The following RAB3C variants were observed in gnomAD, a reference collection of about 807,000 sequenced individuals.
RAB3C encodes the protein ras-related protein Rab-3C.
Under a neutral mutation model 26.4 loss-of-function variants are expected in RAB3C, and 17 were observed. That is an observed-to-expected ratio of 0.64 (90% CI 0.44 to 0.97). RAB3C has a LOEUF of 0.97. RAB3C is among the 50% of genes least tolerant of loss of function. The pLI, the probability that RAB3C is intolerant of heterozygous loss-of-function variation, is 0.00. For missense variants in RAB3C, 242 were observed against 281.9 expected (o/e 0.86, Z 1.01); for synonymous variants, 91 against 95.9 (o/e 0.95, Z 0.30).
At chr5:58,826,599 C>T (rs1231496370) in intron 4 of RAB3C, among the ~76,000 whole-genome samples, 2 of 151,998 alleles carry the variant, frequency 1.3e-5, no homozygotes, top group African/African-American at 4.8e-5. Context: ...AATTTAGCAA[C>T]CCAATACATA....
In RAB3C at chr5:58,689,738, G is replaced by A. The variant is rs147913280; in HGVS notation, c.253-36264G>A. On this transcript the variant is annotated intron_variant, in intron 2 of 4. Transcript: ENST00000282878. ...TCCCTTGACACAAGTTAAGTGGGGT[G>A]GAAATGTCCTCTGTTCAGGCCGTTA... Among the ~76,000 whole-genome samples, 183 of 152,176 alleles carry A rather than the reference G, an allele frequency of 1.2e-3. 2 individuals carry two copies. The highest frequency in any genetic ancestry group is 4.1e-3 in the African/African-American group (170 of 41,528).
At chr5:58,621,063 T>C (rs1052403422) in intron 2 of RAB3C, among the ~76,000 whole-genome samples, 3 of 152,226 alleles carry the variant, frequency 2.0e-5, no homozygotes, top group Non-Finnish European at 2.9e-5. Context: ...TGTCATCTCA[T>C]TGTGCTTTAA....
At chr5:58,804,667 ATGTGTG>A (rs142259686) in intron 3 of RAB3C, among the ~76,000 whole-genome samples, 7,994 of 149,384 alleles carry the variant, frequency 0.054, 277 homozygotes, top group East Asian at 0.12. Context: ...TGGGGTGCAT[ATGTGTG>A]TGTGTGTGTG....
At chr5:58,665,890 A>G (rs763953357) in intron 2 of RAB3C, among the ~76,000 whole-genome samples, 2 of 152,188 alleles carry the variant, frequency 1.3e-5, no homozygotes, top group African/African-American at 2.4e-5. Context: ...TTGAAACTCA[A>G]TGAAGTCATG....
At chr5:58,748,608 G>A (rs1271053168) in intron 3 of RAB3C, among the ~76,000 whole-genome samples, 2 of 152,048 alleles carry the variant, frequency 1.3e-5, no homozygotes, top group African/African-American at 4.8e-5. Flanking sequence ...GTGTGTGTGT[G>A]TGCATGCATG....
At chr5:58,647,873 C>G (rs1329316080) in intron 2 of RAB3C, among the ~76,000 whole-genome samples, 3 of 152,158 alleles carry the variant, frequency 2.0e-5, no homozygotes, top group Non-Finnish European at 4.4e-5. Context: ...TATGATGTAG[C>G]ACTTTGACAC....
chr5:58,629,896 G>A (rs754257927), intron 2 of RAB3C, among the ~76,000 whole-genome samples: 1 of 152,230 alleles, frequency 6.6e-6, no homozygotes, highest in South Asian at 2.1e-4. Flanking sequence ...AATTAGAGCA[G>A]TGTGGCTTCC....
chr5:58,688,873 G>T (rs1490171944), intron 2 of RAB3C, among the ~76,000 whole-genome samples: 2 of 152,068 alleles, frequency 1.3e-5, no homozygotes, highest in African/African-American at 4.8e-5. Flanking sequence ...ACATGTATTT[G>T]ATTTGTTTTT....
chr5:58,651,496 AT>A (rs1747648720), intron 2 of RAB3C, among the ~76,000 whole-genome samples: 3 of 152,126 alleles, frequency 2.0e-5, no homozygotes, highest in Admixed American at 2.0e-4. Context: ...ATTAAAATCT[AT>A]TTTTATGTAT....
intron 2 of RAB3C, among the ~76,000 whole-genome samples, chr5:58,666,804 T>A (rs1748011396): frequency 6.6e-6 from 1 of 152,030 alleles, no homozygotes; most frequent in South Asian, 2.1e-4. Context: ...TATATGGGAG[T>A]TGACTCAGAG....
At chr5:58,824,175 G>A (rs1026140106) in intron 3 of RAB3C, among the ~76,000 whole-genome samples, 40 of 151,730 alleles carry the variant, frequency 2.6e-4, no homozygotes, top group Admixed American at 7.2e-4. Context: ...GAATAGTGTC[G>A]CAATAAACAT....
At chr5:58,802,995 C>A (rs1191543988) in intron 3 of RAB3C, among the ~76,000 whole-genome samples, 2 of 152,154 alleles carry the variant, frequency 1.3e-5, no homozygotes, top group Admixed American at 6.5e-5. Flanking sequence ...CAGTCCAGGG[C>A]AAACACTTGC....
chr5:58,851,499 G>T lies in RAB3C; in HGVS notation c.*148G>T. The T allele has an allele frequency of 1.8e-6, 1 of 554,570 alleles. No homozygotes were observed. The highest frequency in any genetic ancestry group is 2.9e-6 in the Non-Finnish European group (1 of 343,174). The allele number at this position is 554,570 out of a possible 1,614,324, so 34.4% of individuals were successfully genotyped here. Reference sequence around the variant, plus strand: ...TGGCTCGTACGCATTCAATTCTTGGGAGCTTTCCTGTTTAATATGTGGCAA... The same window carrying T: ...TGGCTCGTACGCATTCAATTCTTGGTAGCTTTCCTGTTTAATATGTGGCAA... On this transcript the variant is annotated 3_prime_UTR_variant, in exon 5 of 5. Coordinates refer to ENST00000282878, the MANE Select transcript of RAB3C (RefSeq NM_138453.4).
At chr5:58,725,583 C>G (rs925259691) in intron 2 of RAB3C, among the ~76,000 whole-genome samples, 6 of 151,814 alleles carry the variant, frequency 4.0e-5, no homozygotes, top group Non-Finnish European at 8.8e-5. Context: ...ATTTGAAGTA[C>G]AAATATAGAG....
rs1170972774 is a variant in RAB3C at position 58,851,891 on chromosome 5, T to C, written c.*540T>C. ...GCTGTCACGAGTCTGGTCAGTTTAC[T>C]GTTGGGAACTGTGTCTTTATTTCAC... On this transcript the variant is annotated 3_prime_UTR_variant, in exon 5 of 5. Coordinates refer to ENST00000282878, the MANE Select transcript of RAB3C (RefSeq NM_138453.4). 2 of 152,242 alleles carry C rather than the reference T, an allele frequency of 1.3e-5. No individual in the cohort carries two copies. Among genetic ancestry groups the C allele is most frequent in the Non-Finnish European group, 2.9e-5 (2 of 68,058 alleles). The allele number at this position is 152,242 out of a possible 1,614,324, so 9.4% of individuals were successfully genotyped here.
rs1561267668 is a variant in RAB3C at position 58,616,011 on chromosome 5, C to CA, written c.25-1632_25-1631insA. Among the ~76,000 whole-genome samples the CA allele has an allele frequency of 1.1e-4, 16 of 150,024 alleles. 1 individual carries two copies. The South Asian group carries it at 3.2e-3, about 30-fold the overall frequency. ...ACACACACACACACACACACACACA[C>CA]CCCTGACTTCAGGTAACCAGTGTTG... On this transcript the variant is annotated intron_variant, in intron 1 of 4. Coordinates refer to ENST00000282878, the MANE Select transcript of RAB3C (RefSeq NM_138453.4).
intron 3 of RAB3C, among the ~76,000 whole-genome samples, chr5:58,816,710 G>A (rs946378173): frequency 4.6e-5 from 7 of 152,036 alleles, no homozygotes; most frequent in African/African-American, 1.7e-4. Context: ...ATAGTGACAG[G>A]CCTAACTTGC....
intron 3 of RAB3C, among the ~76,000 whole-genome samples, chr5:58,726,762 A>C (rs1436039384): frequency 1.3e-5 from 2 of 152,028 alleles, no homozygotes; most frequent in Admixed American, 6.6e-5. Flanking sequence ...TCATAGCTGC[A>C]TGAAACTATC....
intron 2 of RAB3C, among the ~76,000 whole-genome samples, chr5:58,721,328 C>A (rs1329813090): frequency 1.3e-5 from 2 of 150,154 alleles, no homozygotes; most frequent in Non-Finnish European, 3.0e-5. Flanking sequence ...CATTTTTATC[C>A]CTCATTTTCT....
Sources: gnomAD v4.1 joint callset for allele counts (sites outside exome capture counted in the v4.1 genomes callset) on GRCh38, gnomAD v4.1.1 for gene constraint, MANE v1.5 for transcripts, NCBI Gene and HGNC (gene_info 2026-07-23, HGNC 2026-07-21) for gene names.